CCDC178: variants seen among roughly 807,000 people sequenced by gnomAD.
The protein encoded by CCDC178 is coiled-coil domain-containing protein 178.
A neutral mutation model predicts 117.4 loss-of-function variants in CCDC178; 126 were observed. The ratio of observed to expected loss-of-function variants is 1.07; its 90% CI spans 0.93 to 1.24. The LOEUF (loss-of-function observed/expected upper bound fraction) is 1.24. Among genes scored for constraint, CCDC178 ranks in the 50% most tolerant of loss-of-function variants. CCDC178 has a pLI of 0.00. For missense variants in CCDC178, 1,030 were observed against 986.9 expected (o/e 1.04, Z -0.59); for synonymous variants, 283 against 313.4 (o/e 0.90, Z 1.02).
chr18:33,047,969 A>G (rs746413904), intron 21 of CCDC178, among the ~76,000 whole-genome samples: 1 of 152,208 alleles, frequency 6.6e-6, no homozygotes, highest in Non-Finnish European at 1.5e-5. Flanking sequence ...CCCCTCAAAA[A>G]GATATGTTGA....
In CCDC178 at chr18:33,063,380, C is replaced by T. The variant is rs375009062; in HGVS notation, c.2388+29381G>A. On this transcript the variant is annotated intron_variant, in intron 21 of 22. Coordinates refer to ENST00000383096, the MANE Select transcript of CCDC178 (RefSeq NM_001105528.4). ...GAGGACAAGCTCTCCCAGACTGCTG[C>T]CACTGCCCATAAACTCTGTTCAGGG... 7.2e-4 allele frequency among the ~76,000 whole-genome samples: 110 copies of T among 152,268 alleles called. No individual in the cohort carries two copies. In the Middle Eastern group the frequency reaches 0.017, roughly 24 times the overall value.
rs58448816 is a variant in CCDC178 at position 33,267,216 on chromosome 18, C to T, written c.1258G>A (p.Asp420Asn). The T allele has an allele frequency of 0.045, 71,670 of 1,597,400 alleles. 2,195 individuals are homozygous for T. The highest frequency in any genetic ancestry group is 0.13 in the African/African-American group (9,880 of 73,844). ...HENQYLEAVN[D>N]FYAAKKTWDI... ...AATCAACTTACTGCAGCATAAAAATCATTAACTGCTTCCAGATACTGATTT... is the reference window on the plus strand; with the variant it reads ...AATCAACTTACTGCAGCATAAAAATTATTAACTGCTTCCAGATACTGATTT... Residue 420 changes from aspartate (D) to asparagine (N), a missense_variant, in exon 13 of 23, where the codon GAT becomes AAT. Physicochemically the swap from Asp to Asn is conservative, Grantham distance 23. Coordinates refer to ENST00000383096, the MANE Select transcript of CCDC178 (RefSeq NM_001105528.4).
chr18:32,966,632 C>G (rs1226509425), intron 22 of CCDC178, among the ~76,000 whole-genome samples: 2 of 151,846 alleles, frequency 1.3e-5, no homozygotes, highest in African/African-American at 2.4e-5. Flanking sequence ...TTAGAGCTAT[C>G]CTTGTGGATT....
intron 20 of CCDC178, among the ~76,000 whole-genome samples, chr18:33,175,954 T>C (rs1418957247): frequency 6.6e-6 from 1 of 152,152 alleles, no homozygotes; most frequent in Non-Finnish European, 1.5e-5. Context: ...TCATAGAACA[T>C]TCCTACTGAT....
intron 20 of CCDC178, among the ~76,000 whole-genome samples, chr18:33,142,904 T>G (rs271498): frequency 0.16 from 24,483 of 151,826 alleles, 2,751 homozygotes; most frequent in African/African-American, 0.32. Flanking sequence ...TGCTTGGGAG[T>G]GTTAGAGGGA....
intron 21 of CCDC178, among the ~76,000 whole-genome samples, chr18:33,040,004 A>C (rs1419761049): frequency 6.6e-6 from 1 of 151,968 alleles, no homozygotes; most frequent in Non-Finnish European, 1.5e-5. Flanking sequence ...AAAAATTACC[A>C]TAAGAAAAAA....
In CCDC178 at chr18:33,169,457, G is replaced by A. The variant is rs554057926; in HGVS notation, c.2238+42439C>T. Reference sequence around the variant, plus strand: ...TCTGCTTCTATAACCAGGAGGCAAAGGCTCAAGTTTCATGTCACTAACTTC... The same window carrying A: ...TCTGCTTCTATAACCAGGAGGCAAAAGCTCAAGTTTCATGTCACTAACTTC... On this transcript the variant is annotated intron_variant, in intron 20 of 22. Transcript: ENST00000383096. 7.2e-5 allele frequency among the ~76,000 whole-genome samples: 11 copies of A among 152,252 alleles called. No individual in the cohort carries two copies. The South Asian group carries it at 2.3e-3, about 32-fold the overall frequency.
chr18:33,215,283 C>CATAAAGA (rs1228247113), intron 19 of CCDC178, among the ~76,000 whole-genome samples: 3 of 151,804 alleles, frequency 2.0e-5, no homozygotes, highest in African/African-American at 7.3e-5. Flanking sequence ...TTATTAATGT[C>CATAAAGA]ATAAAGAATA....
intron 14 of CCDC178, among the ~76,000 whole-genome samples, chr18:33,248,283 T>C (rs535576201): frequency 6.6e-6 from 1 of 151,908 alleles, no homozygotes; most frequent in Non-Finnish European, 1.5e-5. Context: ...TTTATTTTTA[T>C]TTTTTATACT....
chr18:33,363,138 T>C (rs1230244741), intron 6 of CCDC178, among the ~76,000 whole-genome samples: 2 of 151,810 alleles, frequency 1.3e-5, no homozygotes, highest in Non-Finnish European at 2.9e-5. Context: ...AAAAACAAAT[T>C]AGAGGAACAT....
At chr18:33,166,286 C>T (rs1435536241) in intron 20 of CCDC178, among the ~76,000 whole-genome samples, 1 of 152,078 alleles carries the variant, frequency 6.6e-6, no homozygotes, top group East Asian at 1.9e-4. Context: ...GTTTTCAAAT[C>T]TTTAAAAAAT....
At chr18:33,296,511 T>C (rs2062108084) in intron 11 of CCDC178, among the ~76,000 whole-genome samples, 1 of 152,098 alleles carries the variant, frequency 6.6e-6, no homozygotes, top group South Asian at 2.1e-4. Flanking sequence ...GATACTCCCA[T>C]TGGAAGAAGC....
rs564645546 is a variant in CCDC178, at chr18:33,402,563, A to G, written c.59-5355T>C. 4.6e-5 allele frequency among the ~76,000 whole-genome samples: 7 copies of G among 152,346 alleles called. No homozygotes were observed. The East Asian group carries it at 9.6e-4, about 21-fold the overall frequency. ...CTAAAGCTGTGAGCATGATCAGGAA[A>G]AAGTCAGGCTAATATTATCGGAAAG... On this transcript the variant is annotated intron_variant, in intron 3 of 22. Coordinates refer to ENST00000383096, the MANE Select transcript of CCDC178 (RefSeq NM_001105528.4).
At chr18:33,275,498 T>C (rs561810916) in intron 12 of CCDC178, among the ~76,000 whole-genome samples, 1 of 151,634 alleles carries the variant, frequency 6.6e-6, no homozygotes, top group South Asian at 2.1e-4. Flanking sequence ...GAGGTTCATT[T>C]TCCTTCTAAT....
At chr18:33,402,861 T>C (rs779159967) in intron 3 of CCDC178, among the ~76,000 whole-genome samples, 6 of 152,200 alleles carry the variant, frequency 3.9e-5, no homozygotes, top group South Asian at 2.1e-4. Flanking sequence ...CCGCCATGCC[T>C]GGCTTCAAGG....
At chr18:33,119,171 A>T (rs2057901092) in intron 20 of CCDC178, among the ~76,000 whole-genome samples, 1 of 152,206 alleles carries the variant, frequency 6.6e-6, no homozygotes, top group South Asian at 2.1e-4. Flanking sequence ...TGGCAACAAA[A>T]GCCAAAATTG....
chr18:33,250,260 C>T (rs1178840771), intron 14 of CCDC178, among the ~76,000 whole-genome samples: 1 of 151,574 alleles, frequency 6.6e-6, no homozygotes, highest in Non-Finnish European at 1.5e-5. Flanking sequence ...TAAAGATGTT[C>T]AATAGTAATT....
At chr18:33,255,713 C>G (rs944872174) in intron 14 of CCDC178, among the ~76,000 whole-genome samples, 5 of 151,816 alleles carry the variant, frequency 3.3e-5, no homozygotes, top group African/African-American at 1.2e-4. Context: ...AAAAAATGTA[C>G]AGTACATGTT....
intron 20 of CCDC178, among the ~76,000 whole-genome samples, chr18:33,209,105 A>G (rs2059078891): frequency 6.6e-6 from 1 of 152,064 alleles, no homozygotes; most frequent in Non-Finnish European, 1.5e-5. Context: ...GACAAACATC[A>G]CTAGCTAGAG....
Sources: allele counts gnomAD v4.1 joint callset (sites outside exome capture counted in the v4.1 genomes callset), GRCh38; gene constraint gnomAD v4.1.1; transcripts MANE v1.5; gene names NCBI Gene and HGNC (gene_info 2026-07-23, HGNC 2026-07-21).